The following CDH11 variants were observed in gnomAD, a reference collection of about 807,000 sequenced individuals.
CDH11 encodes cadherin 11, also known as cadherin-11.
CDH11 carries 11 observed loss-of-function variants against 67.8 expected under a neutral mutation model. The observed-to-expected ratio is 0.16, with a 90% CI of 0.10 to 0.27. The LOEUF is 0.27. Ranked by LOEUF, CDH11 falls within the 10% of genes least tolerant of loss-of-function variation. CDH11 has a pLI of 1.00. For synonymous variants in CDH11, 419 were observed against 400.0 expected, an observed-to-expected ratio of 1.05 and a Z score of -0.57; for missense variants, 847 against 1,031.2, an observed-to-expected ratio of 0.82 and a Z score of 2.45.
At chr16:64,995,026 G>C (rs4967879) in intron 4 of CDH11, among the ~76,000 whole-genome samples, 45,721 of 151,926 alleles carry the variant, frequency 0.3, 7,477 homozygotes, top group South Asian at 0.5. Flanking sequence ...TGTACAAGGA[G>C]AATTTCGAAA....
intron 12 of CDH11, 151 bp downstream of exon 12, chr16:64,950,616 A>AC: frequency 1.5e-4 from 18 of 122,616 alleles, no homozygotes; most frequent in Non-Finnish European, 1.9e-4. Context: ...CACAACGCCC[A>AC]CCCCGCCCCC....
intron 2 of CDH11, among the ~76,000 whole-genome samples, chr16:65,021,815 T>A (rs763461068): frequency 6.9e-6 from 1 of 145,972 alleles, no homozygotes; most frequent in Non-Finnish European, 1.5e-5. Flanking sequence ...ACCCATGAGA[T>A]GTCTCCAAAT....
chr16:65,069,312 T>G (rs997496357), intron 1 of CDH11, among the ~76,000 whole-genome samples: 2 of 152,240 alleles, frequency 1.3e-5, no homozygotes, highest in Non-Finnish European at 2.9e-5. Context: ...GTAAAAATAT[T>G]TCTGACTAAT....
chr16:65,093,894 A>G (rs2074837416), intron 1 of CDH11, among the ~76,000 whole-genome samples: 1 of 152,194 alleles, frequency 6.6e-6, no homozygotes, highest in Non-Finnish European at 1.5e-5. Context: ...TCATTTGAAT[A>G]TATGTTCCTT....
At chr16:64,993,782 T>C (rs2072692935) in intron 4 of CDH11, among the ~76,000 whole-genome samples, 1 of 152,084 alleles carries the variant, frequency 6.6e-6, no homozygotes, top group Non-Finnish European at 1.5e-5. Flanking sequence ...AGCAAGTATC[T>C]GGGGCATGGC....
At position 65,101,288 on chromosome 16, in the gene CDH11, T is replaced by C. The variant is rs145112685; in HGVS notation, c.-298+20592A>G. Among the ~76,000 whole-genome samples, 716 of 152,208 alleles carry C rather than the reference T, an allele frequency of 4.7e-3. 3 individuals carry two copies. Among genetic ancestry groups the C allele is most frequent in the African/African-American group, 0.016 (673 of 41,550 alleles). On this transcript the variant is annotated intron_variant, in intron 1 of 12. Coordinates refer to ENST00000268603, the MANE Select transcript of CDH11 (RefSeq NM_001797.4). ...AACCAATCATGAGGAGAGACAGGCA[T>C]GCACAAGCAGAGCACCACAGCCAAA...
At chr16:65,083,666 G>T (rs2074648765) in intron 1 of CDH11, among the ~76,000 whole-genome samples, 1 of 152,226 alleles carries the variant, frequency 6.6e-6, no homozygotes, top group Non-Finnish European at 1.5e-5. Flanking sequence ...AGGGATGAGA[G>T]AATTGGAATG....
At chr16:65,011,702 C>T (rs1460230742) in intron 2 of CDH11, among the ~76,000 whole-genome samples, 1 of 152,110 alleles carries the variant, frequency 6.6e-6, no homozygotes, top group Non-Finnish European at 1.5e-5. Flanking sequence ...TATATCAACA[C>T]ATAAAGGAAA....
chr16:65,088,431 C>A (rs1424307567), intron 1 of CDH11, among the ~76,000 whole-genome samples: 1 of 152,106 alleles, frequency 6.6e-6, no homozygotes, highest in Non-Finnish European at 1.5e-5. Context: ...TTTAACCATG[C>A]TTATTGTTTT....
At chr16:65,047,262 C>A (rs1330792160) in intron 2 of CDH11, among the ~76,000 whole-genome samples, 1 of 152,132 alleles carries the variant, frequency 6.6e-6, no homozygotes, top group African/African-American at 2.4e-5. Flanking sequence ...TAGTGGCTTC[C>A]AGGGAATGAG....
chr16:65,012,081 G>A (rs1352561263), intron 2 of CDH11, among the ~76,000 whole-genome samples: 1 of 152,204 alleles, frequency 6.6e-6, no homozygotes, highest in African/African-American at 2.4e-5. Context: ...TGAGACTGTT[G>A]TCTAAGCAGA....
intron 1 of CDH11, among the ~76,000 whole-genome samples, chr16:65,102,030 A>C (rs1205661555): frequency 6.6e-6 from 1 of 152,210 alleles, no homozygotes; most frequent in African/African-American, 2.4e-5. Flanking sequence ...CAATATAGAC[A>C]TGTATTCTTA....
Position 65,004,715 on chromosome 16 carries a change from T to C in CDH11, c.155A>G (p.Lys52Arg). The change falls in exon 3 of 13, where the codon AAG (lysine) becomes AGG (arginine). Residue 52 changes from lysine to arginine, a missense_variant. By Grantham distance (26) the Lys-to-Arg change is conservative. Coordinates refer to ENST00000268603, the MANE Select transcript of CDH11 (RefSeq NM_001797.4). The stretch of plus-strand genomic sequence containing the variant: ...GAACTGGTTCCAGACCCAGCCACGC[T>C]TGGAGCGCTGTAGCACCTGCCCCTC... ...GKEGQVLQRS[K>R]RGWVWNQFFV... is the part of the protein sequence containing the mutation. 1 of 1,614,012 alleles carries C rather than the reference T, an allele frequency of 6.2e-7. No individual in the cohort carries two copies. Among genetic ancestry groups the C allele is most frequent in the Non-Finnish European group, 8.5e-7 (1 of 1,180,016 alleles).
chr16:65,084,385 G>A (rs868415434), intron 1 of CDH11, among the ~76,000 whole-genome samples: 3 of 152,042 alleles, frequency 2.0e-5, no homozygotes, highest in African/African-American at 7.2e-5. Context: ...GAGCCCAGGA[G>A]GTGGAGGTTG....
chr16:65,122,240 T>C, upstream of CDH11: 7 of 464,572 alleles, frequency 1.5e-5, no homozygotes, highest in South Asian at 1.4e-4. Context: ...TCGCAGAGGC[T>C]GCGGGGGCCG....
intron 1 of CDH11, among the ~76,000 whole-genome samples, chr16:65,096,713 G>C (rs543757115): frequency 6.6e-6 from 1 of 151,786 alleles, no homozygotes; most frequent in South Asian, 2.1e-4. Flanking sequence ...TTTGGGGTGT[G>C]TGTGTGTGTA....
intron 2 of CDH11, among the ~76,000 whole-genome samples, chr16:65,050,843 A>G (rs2074043803): frequency 6.6e-6 from 1 of 152,130 alleles, no homozygotes; most frequent in South Asian, 2.1e-4. Flanking sequence ...ATTAAATTCA[A>G]GTACTTTCTA....
rs34181449 is a variant in CDH11 at position 64,947,363 on chromosome 16, GT to G, written c.*239del. On this transcript the variant is annotated 3_prime_UTR_variant, in exon 13 of 13. Transcript: ENST00000268603. ...CACTTAAATATTTTGTATGCCAAGT[GT>G]TTTTTTTTTCTAGCGAAGTTGATAA... 61,629 of 1,147,584 alleles carry G rather than the reference GT, an allele frequency of 0.054. 1,421 individuals carry two copies. Among genetic ancestry groups the G allele is most frequent in the Non-Finnish European group, 0.059 (53,651 of 906,844 alleles). 71.1% of individuals were successfully genotyped at this position (1,147,584 alleles called of 1,614,324 possible). A position where few individuals can be genotyped will look rare whatever the true frequency, so the allele number is the denominator to read the frequency against.
At chr16:65,078,450 C>T (rs975949235) in intron 1 of CDH11, among the ~76,000 whole-genome samples, 4 of 152,204 alleles carry the variant, frequency 2.6e-5, no homozygotes, top group East Asian at 3.9e-4. Flanking sequence ...GACACTACTT[C>T]GTATTATATC....
Sources: allele counts gnomAD v4.1 joint callset (sites outside exome capture counted in the v4.1 genomes callset), GRCh38; gene constraint gnomAD v4.1.1; transcripts MANE v1.5; gene names NCBI Gene and HGNC (gene_info 2026-07-23, HGNC 2026-07-21).